Variants in CACNB4 observed in about 807,000 individuals in gnomAD.
CACNB4 encodes the protein voltage-dependent L-type calcium channel subunit beta-4.
In CACNB4, 32 loss-of-function variants were observed where a neutral mutation model predicts 71.2. The ratio of observed to expected loss-of-function variants is 0.45; its 90% confidence interval spans 0.34 to 0.60. The LOEUF is 0.60. Ranked by LOEUF, CACNB4 falls within the 20% of genes least tolerant of loss-of-function variation. The pLI is 0.01. For missense variants in CACNB4, 464 were observed against 647.9 expected (o/e 0.72, Z 3.08); for synonymous variants, 231 against 236.9 (o/e 0.97, Z 0.23).
At chr2:151,998,544 C>T (rs922125863) in intron 2 of CACNB4, among the ~76,000 whole-genome samples, 1 of 152,128 alleles carries the variant, frequency 6.6e-6, no homozygotes, top group Admixed American at 6.5e-5. Context: ...TGCCATTTGC[C>T]TCACAAGATT....
intron 2 of CACNB4, among the ~76,000 whole-genome samples, chr2:152,091,685 T>G (rs1687982392): frequency 6.6e-6 from 1 of 152,094 alleles, no homozygotes; most frequent in Non-Finnish European, 1.5e-5. Context: ...CTTGGCTGTT[T>G]CCCTCAGATC....
At chr2:151,968,125 T>C (rs1268242067) in intron 2 of CACNB4, 1 of 152,230 alleles carries the variant, frequency 6.6e-6, no homozygotes, top group Non-Finnish European at 1.5e-5. Flanking sequence ...TTATTTTATA[T>C]GAACTGTAAG....
intron 2 of CACNB4, among the ~76,000 whole-genome samples, chr2:152,034,914 T>C (rs971017477): frequency 6.6e-6 from 1 of 152,210 alleles, no homozygotes. Context: ...GGCAGAACAG[T>C]TGACCAAAGG....
rs190019263 is a variant in CACNB4, at chr2:152,024,279, C to T, written c.147+74051G>A. On this transcript the variant is annotated intron_variant, in intron 2 of 13. Coordinates refer to ENST00000539935, the MANE Select transcript of CACNB4 (RefSeq NM_000726.5). ...TTAAGGTTGCAGTGAGCTATGAATG[C>T]GTGCCACTGTACCTCTGTGCCTGGG... is the stretch of plus-strand genomic sequence containing the variant. Among the ~76,000 whole-genome samples, 600 of 152,280 alleles carry T rather than the reference C, an allele frequency of 3.9e-3. 2 individuals carry two copies. The highest frequency in any genetic ancestry group is 6.3e-3 in the Non-Finnish European group (431 of 68,016).
intron 10 of CACNB4, among the ~76,000 whole-genome samples, chr2:151,856,219 T>TTA (rs35495696): frequency 0.11 from 15,877 of 149,602 alleles, 1,005 homozygotes; most frequent in African/African-American, 0.16. Context: ...TAAAAAAGTT[T>TTA]TATATATATA....
chr2:151,915,348 C>G (rs1403627400), intron 2 of CACNB4, among the ~76,000 whole-genome samples: 10 of 152,180 alleles, frequency 6.6e-5, no homozygotes, highest in Admixed American at 6.5e-4. Flanking sequence ...AAAGTACAGC[C>G]TGGACGTATA....
In CACNB4 at chr2:152,098,510, C is replaced by A; in HGVS notation, c.64-97G>T. The A allele has an allele frequency of 7.4e-7, 1 of 1,358,234 alleles. No homozygotes were observed. The highest frequency in any genetic ancestry group is 1.2e-5 in the South Asian group (1 of 85,624). The allele number at this position is 1,358,234 out of a possible 1,614,324, so 84.1% of individuals were successfully genotyped here. A position where few individuals can be genotyped will look rare whatever the true frequency, so the allele number is the denominator to read the frequency against. The stretch of plus-strand genomic sequence containing the variant: ...GCTGGAGTCCGCCTCCGGACCCGCT[C>A]CCTGGGGTCCCCTAGAGCCCGCACC... On this transcript the variant is annotated intron_variant, in intron 1 of 13. Coordinates refer to ENST00000539935, the MANE Select transcript of CACNB4 (RefSeq NM_000726.5). The surrounding 1 kb of genome is among the most constrained non-coding windows in gnomAD (Gnocchi z 5.3).
chr2:152,033,610 T>A (rs553012048), intron 2 of CACNB4, among the ~76,000 whole-genome samples: 10 of 152,278 alleles, frequency 6.6e-5, no homozygotes, highest in African/African-American at 2.2e-4. Flanking sequence ...CCCATCTTTT[T>A]ATAAATTCTC....
At chr2:152,027,063 T>G (rs985432803) in intron 2 of CACNB4, among the ~76,000 whole-genome samples, 6 of 152,138 alleles carry the variant, frequency 3.9e-5, no homozygotes, top group Non-Finnish European at 7.4e-5. Context: ...CATGCCACCA[T>G]GCCCGGCTAA....
chr2:151,869,150 A>T, intron 9 of CACNB4, 27 bp downstream of exon 9: 1 of 1,386,742 alleles, frequency 7.2e-7, no homozygotes, highest in Non-Finnish European at 1.0e-6. Flanking sequence ...AGGAAAATAA[A>T]AATACAAAAA....
At chr2:151,927,447 G>A (rs1451890529) in intron 2 of CACNB4, among the ~76,000 whole-genome samples, 1 of 152,224 alleles carries the variant, frequency 6.6e-6, no homozygotes, top group African/African-American at 2.4e-5. Context: ...AAGACCCTAT[G>A]TGGGCTCTAT....
intron 2 of CACNB4, among the ~76,000 whole-genome samples, chr2:152,065,417 T>C (rs1331360809): frequency 6.6e-6 from 1 of 150,950 alleles, no homozygotes. Flanking sequence ...AGAGAGAAGT[T>C]ACATGCTTTT....
chr2:152,056,178 C>T (rs140523721), intron 2 of CACNB4, among the ~76,000 whole-genome samples: 2,600 of 152,010 alleles, frequency 0.017, 72 homozygotes, highest in African/African-American at 0.058. Flanking sequence ...CTGGCTAACA[C>T]GGTGAAACCC....
chr2:151,855,502 T>C (rs2099840057), intron 10 of CACNB4, 127 bp from the exon 11 acceptor site: 1 of 696,118 alleles, frequency 1.4e-6, no homozygotes, highest in Non-Finnish European at 2.2e-6. Flanking sequence ...ATTTTCATAG[T>C]CCTGTCTAAT....
chr2:151,857,491 G>T (rs2099840597), intron 10 of CACNB4: 1 of 152,116 alleles, frequency 6.6e-6, no homozygotes, highest in South Asian at 2.1e-4. Context: ...CTCTCACATG[G>T]CAGAAACAGT....
chr2:152,070,136 C>A (rs564422434), intron 2 of CACNB4, among the ~76,000 whole-genome samples: 2 of 152,224 alleles, frequency 1.3e-5, no homozygotes, highest in South Asian at 4.1e-4. Flanking sequence ...AGCCACCACG[C>A]CTGGCCAACT....
intron 2 of CACNB4, among the ~76,000 whole-genome samples, chr2:152,042,735 G>A (rs1397763192): frequency 1.3e-5 from 2 of 151,968 alleles, no homozygotes; most frequent in Non-Finnish European, 2.9e-5. Flanking sequence ...TTGAACCAGA[G>A]CAACTCCATC....
chr2:152,075,793 G>C (rs1201929092), intron 2 of CACNB4, among the ~76,000 whole-genome samples: 1 of 152,118 alleles, frequency 6.6e-6, no homozygotes, highest in Non-Finnish European at 1.5e-5. Flanking sequence ...CTCAGGCATC[G>C]AATACTGGGC....
At chr2:152,036,419 C>T (rs1684595238) in intron 2 of CACNB4, among the ~76,000 whole-genome samples, 1 of 152,202 alleles carries the variant, frequency 6.6e-6, no homozygotes, top group Non-Finnish European at 1.5e-5. Flanking sequence ...CTTGCCTCCG[C>T]CTCCCAAGTA....
Sources: allele counts gnomAD v4.1 joint callset (sites outside exome capture counted in the v4.1 genomes callset), GRCh38; gene constraint gnomAD v4.1.1; non-coding constraint Gnocchi (gnomAD v3.1); transcripts MANE v1.5; gene names NCBI Gene and HGNC (gene_info 2026-07-23, HGNC 2026-07-21).